GAB2: variants seen among roughly 807,000 people sequenced by gnomAD.
GAB2 encodes GRB2-associated-binding protein 2.
A neutral mutation model predicts 65.5 loss-of-function variants in GAB2; 26 were observed. The ratio of observed to expected loss-of-function variants is 0.40; its 90% CI spans 0.29 to 0.55. The LOEUF is 0.55. Ranked by LOEUF, GAB2 falls within the 20% of genes least tolerant of loss-of-function variation. The probability of loss-of-function intolerance (pLI) is 0.53; values close to 1 mark genes in which losing one functional copy is unlikely to be tolerated. For synonymous variants in GAB2, 321 were observed against 329.6 expected, an observed-to-expected ratio of 0.97 and a Z score of 0.28; for missense variants, 884 against 875.8, an observed-to-expected ratio of 1.01 and a Z score of -0.12.
chr11:78,367,805 G>A (rs997395181), intron 1 of GAB2, among the ~76,000 whole-genome samples: 6 of 150,238 alleles, frequency 4.0e-5, no homozygotes, highest in Non-Finnish European at 8.9e-5. Context: ...ATATGTCAGT[G>A]CTTAATTTTC....
chr11:78,335,451 C>T (rs1855981829), intron 1 of GAB2, among the ~76,000 whole-genome samples: 1 of 152,186 alleles, frequency 6.6e-6, no homozygotes, highest in South Asian at 2.1e-4. Context: ...TTTCATTCTT[C>T]TGCATACGGA....
intron 2 of GAB2, among the ~76,000 whole-genome samples, chr11:78,252,418 G>A (rs941913108): frequency 3.3e-5 from 5 of 152,208 alleles, no homozygotes; most frequent in Non-Finnish European, 7.3e-5. Context: ...GGAGGAGAGA[G>A]GGTTTACATT....
intron 2 of GAB2, among the ~76,000 whole-genome samples, chr11:78,271,163 T>C (rs1866000315): frequency 6.6e-6 from 1 of 152,234 alleles, no homozygotes; most frequent in African/African-American, 2.4e-5. Flanking sequence ...ATGGCTCTTT[T>C]TGTGTGTAGT....
chr11:78,377,497 T>C (rs557387589), intron 1 of GAB2, among the ~76,000 whole-genome samples: 5 of 152,262 alleles, frequency 3.3e-5, no homozygotes, highest in Admixed American at 3.3e-4. Context: ...ATACATGGTT[T>C]TGGGGGGACA....
chr11:78,272,280 A>G (rs983501493), intron 2 of GAB2, among the ~76,000 whole-genome samples: 1 of 152,208 alleles, frequency 6.6e-6, no homozygotes, highest in African/African-American at 2.4e-5. Flanking sequence ...GGCTCAGAAG[A>G]AGACAGGAAA....
intron 1 of GAB2, among the ~76,000 whole-genome samples, chr11:78,350,083 T>C (rs1856253006): frequency 1.3e-5 from 2 of 152,094 alleles, no homozygotes; most frequent in Admixed American, 1.3e-4. Context: ...ATTCATCACA[T>C]TGAAAAAAAA....
chr11:78,299,863 G>A (rs1866943688), intron 1 of GAB2, among the ~76,000 whole-genome samples: 1 of 152,166 alleles, frequency 6.6e-6, no homozygotes, highest in South Asian at 2.1e-4. Context: ...AAAGGCTTTT[G>A]TTTAATTTGT....
chr11:78,359,811 G>A (rs1417229338), intron 1 of GAB2, among the ~76,000 whole-genome samples: 1 of 152,184 alleles, frequency 6.6e-6, no homozygotes, highest in Non-Finnish European at 1.5e-5. Context: ...AGGGTGTAGT[G>A]CGTTGAATGG....
Position 78,404,732 on chromosome 11 carries a change from A to G in GAB2, c.75+12914T>C, listed in dbSNP as rs189625015. Among the ~76,000 whole-genome samples the G allele has an allele frequency of 6.6e-5, 10 of 152,374 alleles. No homozygotes were observed. In the South Asian group the frequency reaches 1.0e-3, roughly 16 times the overall value. On this transcript the variant is annotated intron_variant, in intron 1 of 9. Transcript: ENST00000361507. The stretch of plus-strand genomic sequence containing the variant: ...CTGAACTCATGGAGATAGAGAAACA[A>G]TAACGATTATCAGATACTGGAAAGG...
At chr11:78,369,141 C>CAAAA (rs566107327) in intron 1 of GAB2, among the ~76,000 whole-genome samples, 1 of 59,786 alleles carries the variant, frequency 1.7e-5, no homozygotes, top group Non-Finnish European at 3.8e-5. Flanking sequence ...GACCCTGTCT[C>CAAAA]AAAAAAAAAA....
intron 1 of GAB2, among the ~76,000 whole-genome samples, chr11:78,328,942 T>C (rs1855869917): frequency 6.6e-6 from 1 of 152,210 alleles, no homozygotes; most frequent in African/African-American, 2.4e-5. Context: ...AGAAAAATAC[T>C]CAACAGATGT....
At chr11:78,376,543 T>C (rs926575082) in intron 1 of GAB2, among the ~76,000 whole-genome samples, 4 of 152,240 alleles carry the variant, frequency 2.6e-5, no homozygotes, top group Non-Finnish European at 5.9e-5. Flanking sequence ...TTTCATCTTT[T>C]AAGTAAAAGG....
In GAB2 at chr11:78,219,383, C is replaced by T; in HGVS notation, c.1920G>A (p.Lys640=). The part of the protein sequence containing the change: ...PSTSSVTSDE[K]VDYVQVDKEK... ...CCTTGTCCACCTGAACGTAGTCCACCTTCTCATCAGAGGTGACGGATGAAG... is the reference window on the plus strand; with the variant it reads ...CCTTGTCCACCTGAACGTAGTCCACTTTCTCATCAGAGGTGACGGATGAAG... Residue 640 remains lysine, a synonymous_variant, in exon 10 of 10, where the codon AAG becomes AAA. Coordinates refer to ENST00000361507, the MANE Select transcript of GAB2 (RefSeq NM_080491.3). 3 of 1,613,962 alleles carry T rather than the reference C, an allele frequency of 1.9e-6. No homozygotes were observed. Among genetic ancestry groups the T allele is most frequent in the Non-Finnish European group, 2.5e-6 (3 of 1,179,924 alleles).
At chr11:78,412,749 A>G (rs1857145320) in intron 1 of GAB2, among the ~76,000 whole-genome samples, 1 of 152,242 alleles carries the variant, frequency 6.6e-6, no homozygotes, top group Admixed American at 6.5e-5. Flanking sequence ...TAAAAAGCCC[A>G]GGCTTTAGGA....
At chr11:78,272,415 C>A (rs1866040019) in intron 2 of GAB2, among the ~76,000 whole-genome samples, 1 of 152,158 alleles carries the variant, frequency 6.6e-6, no homozygotes, top group Non-Finnish European at 1.5e-5. Flanking sequence ...TTGTTGGAAA[C>A]TGGAGCAAAG....
Position 78,222,089 on chromosome 11 carries a change from A to T in GAB2, c.1658+16T>A, listed in dbSNP as rs1373358199. On this transcript the variant is annotated intron_variant, in intron 7 of 9. Coordinates refer to ENST00000361507, the MANE Select transcript of GAB2 (RefSeq NM_080491.3). ...GGCCCGACTCCAAGCTCCCACCCCC[A>T]CACATACGCACTTACTTGGCCCTAG... 14 of 1,551,650 alleles carry T rather than the reference A, an allele frequency of 9.0e-6. No individual in the cohort carries two copies. The highest frequency in any genetic ancestry group is 1.7e-5 in the Admixed American group (1 of 59,900).
intron 4 of GAB2, 29 bp downstream of exon 4, chr11:78,226,436 T>G: frequency 6.5e-7 from 1 of 1,548,030 alleles, no homozygotes; most frequent in Non-Finnish European, 8.9e-7. Flanking sequence ...TCCTCCTCCC[T>G]CTGAGTCTCA....
intron 1 of GAB2, among the ~76,000 whole-genome samples, chr11:78,349,946 A>C (rs1565169449): frequency 6.6e-6 from 1 of 152,218 alleles, no homozygotes; most frequent in Non-Finnish European, 1.5e-5. Flanking sequence ...AAAGAAAAAA[A>C]AAAGAAAGAC....
intron 3 of GAB2, among the ~76,000 whole-genome samples, chr11:78,243,637 G>A (rs937908584): frequency 1.3e-5 from 2 of 151,604 alleles, no homozygotes; most frequent in African/African-American, 2.4e-5. Context: ...TCAGGGGATC[G>A]AGACCATCCT....
Sources: gnomAD v4.1 joint callset for allele counts (sites outside exome capture counted in the v4.1 genomes callset) on GRCh38, gnomAD v4.1.1 for gene constraint, MANE v1.5 for transcripts, NCBI Gene and HGNC (gene_info 2026-07-23, HGNC 2026-07-21) for gene names.